MAD1L1: variants seen among roughly 807,000 people sequenced by gnomAD.
MAD1L1 encodes the protein mitotic arrest deficient 1 like 1, also known as mitotic spindle assembly checkpoint protein MAD1.
MAD1L1 carries 95 observed loss-of-function variants against 96.9 expected under a neutral mutation model. The observed-to-expected ratio is 0.98, with a 90% CI of 0.83 to 1.16. The LOEUF (loss-of-function observed/expected upper bound fraction) is 1.16. MAD1L1 is among the 50% of genes most tolerant of loss of function. MAD1L1 has a pLI of 0.00. For missense variants in MAD1L1, 1,007 were observed against 954.4 expected (o/e 1.06, Z -0.73); for synonymous variants, 473 against 396.6 (o/e 1.19, Z -2.29).
Position 1,980,501 on chromosome 7 carries a change from G to A in MAD1L1, c.1457C>T (p.Ser486Phe). The stretch of plus-strand genomic sequence containing the variant: ...GGAGAACAGGAAGCTCTGTTCGGCA[G>A]AGCTGGACTGAGACTTCAGCATCTT... ...ELKMLKSQSSSAEQSFLFSRE... is the reference protein window; with the variant it reads ...ELKMLKSQSSFAEQSFLFSRE... Residue 486 changes from serine (S) to phenylalanine (F), a missense_variant, in exon 15 of 19, where the codon TCT (serine) becomes TTT (phenylalanine). Coordinates refer to ENST00000265854, the MANE Select transcript of MAD1L1 (RefSeq NM_001013836.2). The A allele has an allele frequency of 6.2e-7, 1 of 1,602,944 alleles. No homozygotes were observed. Among genetic ancestry groups the A allele is most frequent in the Middle Eastern group, 1.7e-4 (1 of 6,056 alleles).
At chr7:2,209,341 A>G (rs1792770975) in intron 10 of MAD1L1, among the ~76,000 whole-genome samples, 2 of 152,130 alleles carry the variant, frequency 1.3e-5, no homozygotes, top group African/African-American at 4.8e-5. Context: ...CCCTCTGAGG[A>G]CTGCAGGACG....
chr7:1,903,461 G>C (rs28668168), intron 17 of MAD1L1, among the ~76,000 whole-genome samples: 12,537 of 100,942 alleles, frequency 0.12, 2,223 homozygotes, highest in African/African-American at 0.44. Context: ...GATGCAGTGG[G>C]CTACTGAAGA....
intron 11 of MAD1L1, among the ~76,000 whole-genome samples, chr7:2,128,433 C>CAGCACGGGAGTCACAAAA (rs1486219384): frequency 6.6e-6 from 1 of 152,052 alleles, no homozygotes; most frequent in Non-Finnish European, 1.5e-5. Context: ...ACTCGCTCAT[C>CAGCACGGGAGTCACAAAA]AGCACGGGAG....
chr7:2,010,952 G>A (rs892667840), intron 13 of MAD1L1, among the ~76,000 whole-genome samples: 8 of 152,178 alleles, frequency 5.3e-5, no homozygotes, highest in African/African-American at 1.7e-4. Flanking sequence ...ATGGAGACAG[G>A]AACTATCAGA....
chr7:2,153,641 G>T (rs1385722910), intron 10 of MAD1L1, among the ~76,000 whole-genome samples: 1 of 152,208 alleles, frequency 6.6e-6, no homozygotes, highest in Non-Finnish European at 1.5e-5. Flanking sequence ...CCAGTATGGA[G>T]ATTTCTCAAA....
At chr7:1,861,392 G>A (rs1239475088) in intron 18 of MAD1L1, among the ~76,000 whole-genome samples, 2 of 152,202 alleles carry the variant, frequency 1.3e-5, no homozygotes, top group East Asian at 3.9e-4. Context: ...CTAAACAGAA[G>A]CGTCACTGCT....
chr7:1,948,992 G>A (rs1394666467), intron 16 of MAD1L1, among the ~76,000 whole-genome samples: 1 of 152,214 alleles, frequency 6.6e-6, no homozygotes, highest in Non-Finnish European at 1.5e-5. Context: ...CACACACACA[G>A]GATCCAGGAG....
intron 14 of MAD1L1, among the ~76,000 whole-genome samples, chr7:1,997,383 G>T (rs1781603520): frequency 6.6e-6 from 1 of 152,222 alleles, no homozygotes; most frequent in Non-Finnish European, 1.5e-5. Context: ...CCCTGAGGGT[G>T]CAGACCACCT....
chr7:1,881,002 A>G lies in MAD1L1; in HGVS notation c.1998+17198T>C, dbSNP rs577415099. ...GCAGGATGCCTGGTTCTTTGCTCAG[A>G]CCCTGTCCATCTGCAGAACCTTAGG... On this transcript the variant is annotated intron_variant, in intron 18 of 18. Coordinates refer to ENST00000265854, the MANE Select transcript of MAD1L1 (RefSeq NM_001013836.2). 3.9e-5 allele frequency among the ~76,000 whole-genome samples: 6 copies of G among 152,262 alleles called. No homozygotes were observed. The East Asian group carries it at 1.2e-3, about 29-fold the overall frequency.
intron 10 of MAD1L1, among the ~76,000 whole-genome samples, chr7:2,166,948 G>A (rs1790457963): frequency 6.6e-6 from 1 of 152,214 alleles, no homozygotes; most frequent in African/African-American, 2.4e-5. Flanking sequence ...AGGGCCCCGG[G>A]CTGCTGGAGA....
At chr7:2,122,880 C>A (rs1194244683) in intron 11 of MAD1L1, among the ~76,000 whole-genome samples, 2 of 152,208 alleles carry the variant, frequency 1.3e-5, no homozygotes, top group African/African-American at 4.8e-5. Context: ...TGGTGACGGC[C>A]GCCGTCCACC....
chr7:2,185,116 G>A (rs948458120), intron 10 of MAD1L1, among the ~76,000 whole-genome samples: 3 of 152,324 alleles, frequency 2.0e-5, no homozygotes, highest in South Asian at 2.1e-4. Flanking sequence ...CAAGGGTGAA[G>A]CAAGAGAGAT....
intron 12 of MAD1L1, 110 bp from the exon 13 acceptor site, chr7:2,014,752 T>A: frequency 7.7e-7 from 1 of 1,301,070 alleles, no homozygotes; most frequent in Non-Finnish European, 1.0e-6. Flanking sequence ...GGCTCCCTCG[T>A]GAGGACCCAG....
At chr7:1,859,587 G>T (rs1440997016) in intron 18 of MAD1L1, among the ~76,000 whole-genome samples, 2 of 152,168 alleles carry the variant, frequency 1.3e-5, no homozygotes, top group Non-Finnish European at 2.9e-5. Context: ...TGGCACCCAT[G>T]ATGGGGACCT....
At chr7:1,892,147 G>A (rs1487581551) in intron 18 of MAD1L1, among the ~76,000 whole-genome samples, 2 of 152,198 alleles carry the variant, frequency 1.3e-5, no homozygotes, top group Non-Finnish European at 2.9e-5. Context: ...ACACGCAGAT[G>A]CTTAGCACTG....
At chr7:1,963,425 G>A (rs767381523) in intron 15 of MAD1L1, among the ~76,000 whole-genome samples, 15 of 152,236 alleles carry the variant, frequency 9.9e-5, no homozygotes, top group Non-Finnish European at 1.6e-4. Flanking sequence ...GGGGTGGGGA[G>A]AGGAGGCAGG....
At chr7:1,936,984 G>A (rs1159126048) in intron 16 of MAD1L1, 87 bp from the exon 17 acceptor site, 3 of 1,078,766 alleles carry the variant, frequency 2.8e-6, no homozygotes, top group East Asian at 2.6e-5. Flanking sequence ...CATGGCCCAG[G>A]AAGACACACA....
At chr7:1,849,455 A>G (rs1391750275) in intron 18 of MAD1L1, 1 of 152,274 alleles carries the variant, frequency 6.6e-6, no homozygotes, top group Non-Finnish European at 1.5e-5. Flanking sequence ...TGGACCCCTG[A>G]TGGTCGGCCC....
intron 18 of MAD1L1, among the ~76,000 whole-genome samples, chr7:1,866,504 G>A (rs987849832): frequency 6.6e-6 from 1 of 152,214 alleles, no homozygotes; most frequent in African/African-American, 2.4e-5. Flanking sequence ...TCCAGTCTCT[G>A]GGGCAGAGAC....
Sources: gnomAD v4.1 joint callset for allele counts (sites outside exome capture counted in the v4.1 genomes callset) on GRCh38, gnomAD v4.1.1 for gene constraint, MANE v1.5 for transcripts, NCBI Gene and HGNC (gene_info 2026-07-23, HGNC 2026-07-21) for gene names.